The following SMARCA5 variants were observed in gnomAD, a reference collection of about 807,000 sequenced individuals.
SMARCA5 encodes the protein SWI/SNF-related matrix-associated actin-dependent regulator of chromatin subfamily A member 5.
In SMARCA5, 18 loss-of-function variants were observed where a neutral mutation model predicts 140.4. The observed-to-expected ratio is 0.13, with a 90% CI of 0.09 to 0.19. The LOEUF is 0.19. Ranked by LOEUF, SMARCA5 falls within the 10% of genes least tolerant of loss-of-function variation. The pLI, the probability that SMARCA5 is intolerant of heterozygous loss-of-function variation, is 1.00. For synonymous variants in SMARCA5, 449 were observed against 419.6 expected, an observed-to-expected ratio of 1.07 and a Z score of -0.86; for missense variants, 606 against 1,276.8, an observed-to-expected ratio of 0.47 and a Z score of 8.01.
chr4:143,539,267 A>T (rs1015745454), intron 13 of SMARCA5, among the ~76,000 whole-genome samples: 1 of 152,188 alleles, frequency 6.6e-6, no homozygotes, highest in African/African-American at 2.4e-5. Context: ...TTGATCAAAG[A>T]ATTAGACAGA....
intron 23 of SMARCA5, among the ~76,000 whole-genome samples, chr4:143,551,768 C>G (rs935716603): frequency 1.3e-5 from 2 of 151,998 alleles, no homozygotes; most frequent in Non-Finnish European, 2.9e-5. Context: ...TTGCACTGAT[C>G]TATGTATCTG....
At chr4:143,550,133 G>T in intron 23 of SMARCA5, 29 bp downstream of exon 23, 1 of 1,288,664 alleles carries the variant, frequency 7.8e-7, no homozygotes, top group Non-Finnish European at 1.1e-6. Flanking sequence ...GTAAATATGT[G>T]GATTATGTAA....
chr4:143,518,488 C>T (rs1333923280), intron 2 of SMARCA5, among the ~76,000 whole-genome samples: 6 of 152,172 alleles, frequency 3.9e-5, no homozygotes, highest in Non-Finnish European at 8.8e-5. Flanking sequence ...TTTCTGTCTT[C>T]AGTACCCAGA....
intron 2 of SMARCA5, among the ~76,000 whole-genome samples, chr4:143,518,567 C>T (rs1409725769): frequency 6.6e-6 from 1 of 152,082 alleles, no homozygotes; most frequent in East Asian, 1.9e-4. Flanking sequence ...CTTTGACTTT[C>T]TCTTCCAAAT....
At chr4:143,543,698 T>C in intron 15 of SMARCA5, 41 bp downstream of exon 15, 1 of 1,560,438 alleles carries the variant, frequency 6.4e-7, no homozygotes. Flanking sequence ...ATAGAATGTT[T>C]TAGACCAGAA....
At position 143,555,438 on chromosome 4, in the gene SMARCA5, G is replaced by A; in HGVS notation, c.*2254G>A. 1 of 586,764 alleles carries A rather than the reference G, an allele frequency of 1.7e-6. No individual in the cohort carries two copies. The highest frequency in any genetic ancestry group is 2.2e-5 in the Admixed American group (1 of 44,508). The allele number at this position is 586,764 out of a possible 1,614,324, so 36.3% of individuals were successfully genotyped here. ...TTGATGACTGTATTTGTGACTAATT[G>A]TATAATAGTTTCTGTTCTGTGGAAA... On this transcript the variant is annotated 3_prime_UTR_variant, in exon 24 of 24. Transcript: ENST00000283131.
intron 16 of SMARCA5, 77 bp downstream of exon 16, chr4:143,544,049 G>A (rs1737478728): frequency 8.8e-7 from 1 of 1,132,550 alleles, no homozygotes; most frequent in Non-Finnish European, 1.2e-6. Flanking sequence ...TTACTGTAAT[G>A]TCTTATAATT....
rs1737475421 is a variant in SMARCA5 at position 143,543,880 on chromosome 4, A to G, written c.2080A>G (p.Lys694Glu). Residue 694 changes from lysine to glutamate, a missense_variant, in exon 16 of 24, where the codon AAG becomes GAG. Physicochemically the swap from Lys to Glu is moderately conservative, Grantham distance 56. Coordinates refer to ENST00000283131, the MANE Select transcript of SMARCA5 (RefSeq NM_003601.4). ...KTAEMNEKLS[K>E]MGESSLRNFT... The stretch of plus-strand genomic sequence containing the variant: ...TGCAGAGATGAATGAAAAGCTCTCC[A>G]AGATGGGCGAAAGTTCACTTAGAAA... 1 of 1,610,850 alleles carries G rather than the reference A, an allele frequency of 6.2e-7. No homozygotes were observed. The highest frequency in any genetic ancestry group is 1.3e-5 in the African/African-American group (1 of 74,782).
intron 4 of SMARCA5, among the ~76,000 whole-genome samples, chr4:143,524,939 A>T (rs1737036760): frequency 6.6e-6 from 1 of 152,112 alleles, no homozygotes; most frequent in Admixed American, 6.5e-5. Flanking sequence ...ACCGTTATGT[A>T]TATTTGGTAA....
intron 20 of SMARCA5, 117 bp from the exon 21 acceptor site, chr4:143,547,268 T>C (rs537622932): frequency 1.6e-6 from 1 of 618,884 alleles, no homozygotes; most frequent in Non-Finnish European, 2.9e-6. Context: ...GTGGTGAGTC[T>C]GCTTAGAATA....
intron 2 of SMARCA5, among the ~76,000 whole-genome samples, chr4:143,520,244 A>G (rs1736928701): frequency 6.6e-6 from 1 of 152,202 alleles, no homozygotes. Flanking sequence ...TTCATTATCT[A>G]TAAATTAAGA....
chr4:143,534,824 G>C, intron 9 of SMARCA5, 31 bp from the exon 10 acceptor site: 1 of 1,462,418 alleles, frequency 6.8e-7, no homozygotes, highest in Non-Finnish European at 9.5e-7. Flanking sequence ...TGTAATATTG[G>C]TATTACCTGT....
chr4:143,544,035 AGT>A (rs1737478423), intron 16 of SMARCA5, 63 bp downstream of exon 16: 3 of 1,281,580 alleles, frequency 2.3e-6, no homozygotes, highest in Admixed American at 5.2e-5. Flanking sequence ...TGGAATTTTA[AGT>A]GTTACTGTAA....
chr4:143,537,326 C>G lies in SMARCA5; in HGVS notation c.1495+648C>G, dbSNP rs550268843. On this transcript the variant is annotated intron_variant, in intron 11 of 23. Transcript: ENST00000283131. Reference sequence around the variant, plus strand: ...AATTATTACATATCTCTTAAAGATACGAAATATCACTGCTATAGTATTAAG... The same window carrying G: ...AATTATTACATATCTCTTAAAGATAGGAAATATCACTGCTATAGTATTAAG... Among the ~76,000 whole-genome samples the G allele has an allele frequency of 5.3e-5, 8 of 152,234 alleles. No homozygotes were observed. In the South Asian group the frequency reaches 1.2e-3, roughly 24 times the overall value.
At chr4:143,526,892 A>G (rs1302774127) in intron 6 of SMARCA5, among the ~76,000 whole-genome samples, 1 of 152,146 alleles carries the variant, frequency 6.6e-6, no homozygotes, top group South Asian at 2.1e-4. Context: ...GGAAGAAGAC[A>G]TTAGAAATGG....
chr4:143,520,956 C>T, intron 2 of SMARCA5, among the ~76,000 whole-genome samples: 1 of 152,114 alleles, frequency 6.6e-6, no homozygotes, highest in East Asian at 1.9e-4. Flanking sequence ...GCATTTTTTC[C>T]AGCTTCTGAG....
rs865837289 is a variant in SMARCA5, at chr4:143,513,985, G to A, written c.61G>A (p.Ala21Thr). Residue 21 changes from alanine (A) to threonine (T), a missense_variant, in exon 1 of 24, where the codon GCA (alanine) becomes ACA (threonine). Coordinates refer to ENST00000283131, the MANE Select transcript of SMARCA5 (RefSeq NM_003601.4). ...TCCCGAGAGCGCGCCTTCCAAGCCC[G>A]CAGCCTCGATCGCCAGCGGCGGGAG... is the stretch of plus-strand genomic sequence containing the variant. ...PPPESAPSKP[A>T]ASIASGGSNS... 1 of 1,562,208 alleles carries A rather than the reference G, an allele frequency of 6.4e-7. No homozygotes were observed. Among genetic ancestry groups the A allele is most frequent in the South Asian group, 1.2e-5 (1 of 86,630 alleles).
intron 22 of SMARCA5, 198 bp downstream of exon 22, chr4:143,548,338 A>G: frequency 2.5e-6 from 1 of 395,968 alleles, no homozygotes; most frequent in Non-Finnish European, 4.5e-6. Flanking sequence ...TTTAAATATC[A>G]CTATATGATA....
At chr4:143,527,747 C>G (rs935399126) in intron 6 of SMARCA5, 121 bp from the exon 7 acceptor site, 12 of 743,516 alleles carry the variant, frequency 1.6e-5, no homozygotes, top group Non-Finnish European at 2.6e-5. Flanking sequence ...CATAATATAG[C>G]TAGCTACTCT....
Sources: gnomAD v4.1 joint callset for allele counts (sites outside exome capture counted in the v4.1 genomes callset) on GRCh38, gnomAD v4.1.1 for gene constraint, MANE v1.5 for transcripts, NCBI Gene and HGNC (gene_info 2026-07-23, HGNC 2026-07-21) for gene names.